Variants in RRS1 observed in about 807,000 individuals in gnomAD.
RRS1 encodes the protein ribosome biogenesis regulatory protein homolog.
In RRS1, 10 loss-of-function variants were observed where a neutral mutation model predicts 23.1. That is an observed-to-expected ratio of 0.43 (90% CI 0.27 to 0.74). RRS1 has a LOEUF of 0.74. Among genes scored for constraint, RRS1 ranks in the 30% least tolerant of loss-of-function variants. The pLI, the probability that RRS1 is intolerant of heterozygous loss-of-function variation, is 0.19. For missense variants in RRS1, 485 were observed against 484.3 expected (o/e 1.00, Z -0.01); for synonymous variants, 198 against 207.7 (o/e 0.95, Z 0.40).
In RRS1 at chr8:66,430,112, G is replaced by T; in HGVS notation, c.981G>T (p.Pro327=). 1 of 1,613,408 alleles carries T rather than the reference G, an allele frequency of 6.2e-7. No homozygotes were observed. The highest frequency in any genetic ancestry group is 8.5e-7 in the Non-Finnish European group (1 of 1,179,750). The part of the protein sequence containing the change: ...QGPGGKRKGG[P]PSQGGKRKGG... ...CTGGGGGCAAGAGGAAAGGGGGCCC[G>T]CCCAGCCAGGGAGGGAAGAGGAAAG... is the stretch of plus-strand genomic sequence containing the variant. The change falls in exon 1 of 1, where the codon CCG becomes CCT. Residue 327 remains proline, a synonymous_variant. Transcript: ENST00000320270.
rs555681107 is a variant in RRS1 at position 66,430,562 on chromosome 8, T to C, written c.*333T>C. Reference sequence around the variant, plus strand: ...ATACGGCGAGGTAGAGTTGGCCATATTTCAGAGACTTAGATTGACGTATAT... The same window carrying C: ...ATACGGCGAGGTAGAGTTGGCCATACTTCAGAGACTTAGATTGACGTATAT... On this transcript the variant is annotated 3_prime_UTR_variant, in exon 1 of 1. Transcript: ENST00000320270. 2 of 290,434 alleles carry C rather than the reference T, an allele frequency of 6.9e-6. No homozygotes were observed. The highest frequency in any genetic ancestry group is 1.1e-3 in the Middle Eastern group (1 of 914). 18.0% of individuals were successfully genotyped at this position (290,434 alleles called of 1,614,324 possible). A position where few individuals can be genotyped will look rare whatever the true frequency, so the allele number is the denominator to read the frequency against.
Position 66,429,936 on chromosome 8 carries a change from T to G in RRS1, c.805T>G (p.Leu269Val). 1.2e-6 allele frequency: 2 copies of G among 1,613,912 alleles called. No individual in the cohort carries two copies. The highest frequency in any genetic ancestry group is 1.7e-6 in the Non-Finnish European group (2 of 1,179,936). The part of the protein sequence containing the change: ...GDFAAEKKNQ[L>V]ELLRVMNSKK... Reference sequence around the variant, plus strand: ...CTTTGCAGCCGAGAAAAAGAACCAGTTGGAGCTGCTTCGTGTCATGAACAG... The same window carrying G: ...CTTTGCAGCCGAGAAAAAGAACCAGGTGGAGCTGCTTCGTGTCATGAACAG... The change falls in exon 1 of 1, where the codon TTG (leucine) becomes GTG (valine). Residue 269 changes from leucine to valine, a missense_variant. Physicochemically the swap from Leu to Val is conservative, Grantham distance 32. Coordinates refer to ENST00000320270, the MANE Select transcript of RRS1 (RefSeq NM_015169.4). The surrounding 1 kb of genome is among the most constrained non-coding windows in gnomAD (Gnocchi z 5.1).
rs749093852 is a variant in RRS1 at position 66,429,207 on chromosome 8, G to A, written c.76G>A (p.Val26Met). ...GGCAGAGAAGTTGCAACGCATCACGGTGCACAAGGAGCTGGAGCTGCAGTT... is the reference window on the plus strand; with the variant it reads ...GGCAGAGAAGTTGCAACGCATCACGATGCACAAGGAGCTGGAGCTGCAGTT... ...DEAEKLQRIT[V>M]HKELELQFDL... The change falls in exon 1 of 1, where the codon GTG (valine) becomes ATG (methionine). Residue 26 changes from valine (V) to methionine (M), a missense_variant. Coordinates refer to ENST00000320270, the MANE Select transcript of RRS1 (RefSeq NM_015169.4). This position sits in a 1 kb window ranked among gnomAD's most constrained non-coding sequence, Gnocchi z 5.1. 9 of 1,613,412 alleles carry A rather than the reference G, an allele frequency of 5.6e-6. No homozygotes were observed. The East Asian group carries it at 1.8e-4, about 32-fold the overall frequency.
Position 66,430,114 on chromosome 8 carries a change from C to T in RRS1, c.983C>T (p.Pro328Leu). ...GGGGGCAAGAGGAAAGGGGGCCCGCCCAGCCAGGGAGGGAAGAGGAAAGGG... is the reference window on the plus strand; with the variant it reads ...GGGGGCAAGAGGAAAGGGGGCCCGCTCAGCCAGGGAGGGAAGAGGAAAGGG... ...GPGGKRKGGP[P>L]SQGGKRKGGL... is the part of the protein sequence containing the mutation. The change falls in exon 1 of 1, where the codon CCC (proline) becomes CTC (leucine). Residue 328 changes from proline to leucine, a missense_variant. By Grantham distance (98) the Pro-to-Leu change is moderately conservative (BLOSUM62 -3). Coordinates refer to ENST00000320270, the MANE Select transcript of RRS1 (RefSeq NM_015169.4). The T allele has an allele frequency of 6.2e-7, 1 of 1,613,384 alleles. No homozygotes were observed. Among genetic ancestry groups the T allele is most frequent in the Non-Finnish European group, 8.5e-7 (1 of 1,179,798 alleles).
rs747956253 is a variant in RRS1, at chr8:66,430,124, A to C, written c.993A>C (p.Gly331=). The stretch of plus-strand genomic sequence containing the variant: ...GGAAAGGGGGCCCGCCCAGCCAGGG[A>C]GGGAAGAGGAAAGGGGGCTTGGGAG... ...GKRKGGPPSQ[G]GKRKGGLGGK... The change falls in exon 1 of 1, where the codon GGA becomes GGC. Residue 331 remains glycine (G), a synonymous_variant. Coordinates refer to ENST00000320270, the MANE Select transcript of RRS1 (RefSeq NM_015169.4). 1.2e-5 allele frequency: 20 copies of C among 1,613,530 alleles called. 1 individual carries two copies. The South Asian group carries it at 2.2e-4, about 18-fold the overall frequency.
At position 66,429,316 on chromosome 8, in the gene RRS1, A is replaced by G. The variant is rs774747447; in HGVS notation, c.185A>G (p.Gln62Arg). The G allele has an allele frequency of 1.9e-5, 30 of 1,555,958 alleles. No homozygotes were observed. The East Asian group carries it at 6.8e-4, about 35-fold the overall frequency. Residue 62 changes from glutamine to arginine, a missense_variant, in exon 1 of 1, where the codon CAG becomes CGG. Physicochemically the swap from Gln to Arg is conservative, Grantham distance 43. Coordinates refer to ENST00000320270, the MANE Select transcript of RRS1 (RefSeq NM_015169.4). This position sits in a 1 kb window ranked among gnomAD's most constrained non-coding sequence, Gnocchi z 5.1. ...GGACCCACGCCGGAGGCCGAGCTAC[A>G]GGCCCTGGCGCGGGACAACACGCAA... ...CAGPTPEAEL[Q>R]ALARDNTQLL...
In RRS1 at chr8:66,429,049, G is replaced by A. The variant is rs943302831; in HGVS notation, c.-83G>A. On this transcript the variant is annotated 5_prime_UTR_variant, in exon 1 of 1. Coordinates refer to ENST00000320270, the MANE Select transcript of RRS1 (RefSeq NM_015169.4). The surrounding 1 kb of genome is among the most constrained non-coding windows in gnomAD (Gnocchi z 5.1). ...TTGGGCATCCCGGCATCTGCACGTG[G>A]TTATGCTGCCGGAGTTTGGGCCGCC... 1.3e-6 allele frequency: 2 copies of A among 1,526,028 alleles called. No homozygotes were observed. Among genetic ancestry groups the A allele is most frequent in the East Asian group, 2.3e-5 (1 of 43,810 alleles). The allele number at this position is 1,526,028 out of a possible 1,614,324, so 94.5% of individuals were successfully genotyped here.
rs1202066308 is a variant in RRS1 at position 66,430,577 on chromosome 8, T to C, written c.*348T>C. On this transcript the variant is annotated 3_prime_UTR_variant, in exon 1 of 1. Coordinates refer to ENST00000320270, the MANE Select transcript of RRS1 (RefSeq NM_015169.4). Reference sequence around the variant, plus strand: ...GTTGGCCATATTTCAGAGACTTAGATTGACGTATATGTTTCTGCATTATTT... The same window carrying C: ...GTTGGCCATATTTCAGAGACTTAGACTGACGTATATGTTTCTGCATTATTT... 3 of 265,616 alleles carry C rather than the reference T, an allele frequency of 1.1e-5. No homozygotes were observed. Among genetic ancestry groups the C allele is most frequent in the African/African-American group, 4.5e-5 (2 of 44,072 alleles). 16.5% of individuals were successfully genotyped at this position (265,616 alleles called of 1,614,324 possible).
At position 66,429,230 on chromosome 8, in the gene RRS1, G is replaced by A; in HGVS notation, c.99G>A (p.Gln33=). The part of the protein sequence containing the change: ...RITVHKELEL[Q]FDLGNLLASD... Reference sequence around the variant, plus strand: ...CGGTGCACAAGGAGCTGGAGCTGCAGTTTGACCTGGGCAACCTGCTGGCGT... The same window carrying A: ...CGGTGCACAAGGAGCTGGAGCTGCAATTTGACCTGGGCAACCTGCTGGCGT... Residue 33 remains glutamine, a synonymous_variant, in exon 1 of 1, where the codon CAG becomes CAA. Transcript: ENST00000320270. This position sits in a 1 kb window ranked among gnomAD's most constrained non-coding sequence, Gnocchi z 5.1. 6.2e-7 allele frequency: 1 copy of A among 1,610,532 alleles called. No homozygotes were observed.
Position 66,430,349 on chromosome 8 carries a change from G to GCAATCCTGTCCCTTTAA in RRS1, c.*120_*121insCAATCCTGTCCCTTTAA. 3.7e-6 allele frequency: 4 copies of GCAATCCTGTCCCTTTAA among 1,082,166 alleles called. No homozygotes were observed. Among genetic ancestry groups the GCAATCCTGTCCCTTTAA allele is most frequent in the Non-Finnish European group, 5.4e-6 (4 of 738,848 alleles). 67.0% of individuals were successfully genotyped at this position (1,082,166 alleles called of 1,614,324 possible). A position where few individuals can be genotyped will look rare whatever the true frequency, so the allele number is the denominator to read the frequency against. On this transcript the variant is annotated 3_prime_UTR_variant, in exon 1 of 1. Coordinates refer to ENST00000320270, the MANE Select transcript of RRS1 (RefSeq NM_015169.4). ...CCGCTGCCTTCATTGAGTTTAAAGG[G>GCAATCCTGTCCCTTTAA]ACAGGATTGCCCTTCCGTCAAGAAA...
In RRS1 at chr8:66,429,530, G is replaced by C; in HGVS notation, c.399G>C (p.Trp133Cys). ...CCAAGAAGAAGACCAACCTGGTGTG[G>C]GACGAGGTGAGTGGCCAGTGGCGGC... ...IRPKKKTNLV[W>C]DEVSGQWRRR... The change falls in exon 1 of 1, where the codon TGG becomes TGC. Residue 133 changes from tryptophan (W) to cysteine (C), a missense_variant. Coordinates refer to ENST00000320270, the MANE Select transcript of RRS1 (RefSeq NM_015169.4). This position sits in a 1 kb window ranked among gnomAD's most constrained non-coding sequence, Gnocchi z 5.1. 3.1e-6 allele frequency: 5 copies of C among 1,612,334 alleles called. No individual in the cohort carries two copies. Among genetic ancestry groups the C allele is most frequent in the Non-Finnish European group, 4.2e-6 (5 of 1,179,506 alleles).
At position 66,429,265 on chromosome 8, in the gene RRS1, A is replaced by T. The variant is rs1563482004; in HGVS notation, c.134A>T (p.Asn45Ile). ...GGCAACCTGCTGGCGTCGGACCGGA[A>T]CCCCCCGACCGGGCTGCGGTGCGCC... ...DLGNLLASDR[N>I]PPTGLRCAGP... Residue 45 changes from asparagine (N) to isoleucine (I), a missense_variant, in exon 1 of 1, where the codon AAC becomes ATC. Transcript: ENST00000320270. This position sits in a 1 kb window ranked among gnomAD's most constrained non-coding sequence, Gnocchi z 5.1. 1 of 1,585,508 alleles carries T rather than the reference A, an allele frequency of 6.3e-7. No individual in the cohort carries two copies. The highest frequency in any genetic ancestry group is 8.6e-7 in the Non-Finnish European group (1 of 1,166,552).
At position 66,429,997 on chromosome 8, in the gene RRS1, A is replaced by G. The variant is rs1805190729; in HGVS notation, c.866A>G (p.Asn289Ser). The G allele has an allele frequency of 6.2e-7, 1 of 1,613,602 alleles. No individual in the cohort carries two copies. The highest frequency in any genetic ancestry group is 8.5e-7 in the Non-Finnish European group (1 of 1,179,892). Residue 289 changes from asparagine to serine, a missense_variant, in exon 1 of 1, where the codon AAT (asparagine) becomes AGT (serine). Asn to Ser is a conservative substitution (Grantham distance 46). Transcript: ENST00000320270. This position sits in a 1 kb window ranked among gnomAD's most constrained non-coding sequence, Gnocchi z 5.1. ...KPQLDVTRAT[N>S]KQMREEDQEE... Reference sequence around the variant, plus strand: ...CAGCTGGATGTGACTAGGGCCACCAATAAGCAGATGAGGGAGGAGGACCAG... The same window carrying G: ...CAGCTGGATGTGACTAGGGCCACCAGTAAGCAGATGAGGGAGGAGGACCAG...
Position 66,430,080 on chromosome 8 carries a change from C to G in RRS1, c.949C>G (p.Gln317Glu). ...SQKGKRKGGR[Q>E]GPGGKRKGGP... ...GAAGGGCAAGAGAAAGGGAGGCCGG[C>G]AGGGGCCTGGGGGCAAGAGGAAAGG... Residue 317 changes from glutamine (Q) to glutamate (E), a missense_variant, in exon 1 of 1, where the codon CAG (glutamine) becomes GAG (glutamate). Gln to Glu is a conservative substitution (Grantham distance 29). Coordinates refer to ENST00000320270, the MANE Select transcript of RRS1 (RefSeq NM_015169.4). 1 of 1,610,822 alleles carries G rather than the reference C, an allele frequency of 6.2e-7. No individual in the cohort carries two copies. Among genetic ancestry groups the G allele is most frequent in the Non-Finnish European group, 8.5e-7 (1 of 1,179,026 alleles).
In RRS1 at chr8:66,429,502, G is replaced by A. The variant is rs767087785; in HGVS notation, c.371G>A (p.Arg124His). Residue 124 changes from arginine (R) to histidine (H), a missense_variant, in exon 1 of 1, where the codon CGT becomes CAT. Coordinates refer to ENST00000320270, the MANE Select transcript of RRS1 (RefSeq NM_015169.4). This position sits in a 1 kb window ranked among gnomAD's most constrained non-coding sequence, Gnocchi z 5.1. ...CAGTTCGCGCGCCTCAAGGGCATCCGTCCCAAGAAGAAGACCAACCTGGTG... is the reference window on the plus strand; with the variant it reads ...CAGTTCGCGCGCCTCAAGGGCATCCATCCCAAGAAGAAGACCAACCTGGTG... ...WQQFARLKGI[R>H]PKKKTNLVWD... is the part of the protein sequence containing the mutation. 1.2e-6 allele frequency: 2 copies of A among 1,604,346 alleles called. No individual in the cohort carries two copies. Among genetic ancestry groups the A allele is most frequent in the Non-Finnish European group, 1.7e-6 (2 of 1,175,780 alleles).
In RRS1 at chr8:66,429,934, A is replaced by T. The variant is rs1488325649; in HGVS notation, c.803A>T (p.Gln268Leu). The change falls in exon 1 of 1, where the codon CAG becomes CTG. Residue 268 changes from glutamine (Q) to leucine (L), a missense_variant. Coordinates refer to ENST00000320270, the MANE Select transcript of RRS1 (RefSeq NM_015169.4). The surrounding 1 kb of genome is among the most constrained non-coding windows in gnomAD (Gnocchi z 5.1). ...FGDFAAEKKN[Q>L]LELLRVMNSK... ...GACTTTGCAGCCGAGAAAAAGAACC[A>T]GTTGGAGCTGCTTCGTGTCATGAAC... 3.1e-6 allele frequency: 5 copies of T among 1,614,000 alleles called. No homozygotes were observed. Among genetic ancestry groups the T allele is most frequent in the Non-Finnish European group, 4.2e-6 (5 of 1,179,988 alleles).
rs1222252703 is a variant in RRS1 at position 66,429,156 on chromosome 8, C to T, written c.25C>T (p.Leu9=). Residue 9 remains leucine, a synonymous_variant, in exon 1 of 1, where the codon CTG becomes TTG. Transcript: ENST00000320270. This position sits in a 1 kb window ranked among gnomAD's most constrained non-coding sequence, Gnocchi z 5.1. MEGQSVEE[L]LAKAEQDEAE... is the part of the protein sequence containing the mutation. ...CATGGAGGGCCAGAGCGTGGAGGAG[C>T]TGCTCGCAAAGGCAGAGCAGGACGA... 1 of 1,611,282 alleles carries T rather than the reference C, an allele frequency of 6.2e-7. No homozygotes were observed. The highest frequency in any genetic ancestry group is 8.5e-7 in the Non-Finnish European group (1 of 1,178,238).
chr8:66,430,386 T>C lies in RRS1; in HGVS notation c.*157T>C, dbSNP rs530401846. ...CTTCCGTCAAGAAAGTATGTAAGTGTTGGACTGCACAAATTAATGTTTTTC... is the reference window on the plus strand; with the variant it reads ...CTTCCGTCAAGAAAGTATGTAAGTGCTGGACTGCACAAATTAATGTTTTTC... On this transcript the variant is annotated 3_prime_UTR_variant, in exon 1 of 1. Coordinates refer to ENST00000320270, the MANE Select transcript of RRS1 (RefSeq NM_015169.4). 2 of 749,230 alleles carry C rather than the reference T, an allele frequency of 2.7e-6. No individual in the cohort carries two copies. The highest frequency in any genetic ancestry group is 5.3e-5 in the East Asian group (2 of 38,076). The allele number at this position is 749,230 out of a possible 1,614,324, so 46.4% of individuals were successfully genotyped here.
chr8:66,429,285 T>C lies in RRS1; in HGVS notation c.154T>C (p.Cys52Arg), dbSNP rs769038085. Residue 52 changes from cysteine (C) to arginine (R), a missense_variant, in exon 1 of 1, where the codon TGC becomes CGC. By Grantham distance (180) the Cys-to-Arg change is radical. Coordinates refer to ENST00000320270, the MANE Select transcript of RRS1 (RefSeq NM_015169.4). This position sits in a 1 kb window ranked among gnomAD's most constrained non-coding sequence, Gnocchi z 5.1. ...SDRNPPTGLR[C>R]AGPTPEAELQ... is the part of the protein sequence containing the mutation. ...CCGGAACCCCCCGACCGGGCTGCGG[T>C]GCGCCGGACCCACGCCGGAGGCCGA... 1.4e-5 allele frequency: 22 copies of C among 1,571,442 alleles called. No individual in the cohort carries two copies. In the African/African-American group the frequency reaches 3.0e-4, roughly 21 times the overall value.
Sources: gnomAD v4.1 joint callset for allele counts on GRCh38, gnomAD v4.1.1 for gene constraint, Gnocchi (gnomAD v3.1) non-coding constraint, MANE v1.5 for transcripts, NCBI Gene and HGNC (gene_info 2026-07-23, HGNC 2026-07-21) for gene names.